Variants in WWOX observed in about 807,000 individuals in gnomAD.
WWOX encodes the protein WW domain containing oxidoreductase, also known as WW domain-containing oxidoreductase.
In WWOX, 69 loss-of-function variants were observed where a neutral mutation model predicts 46.2. The observed-to-expected ratio is 1.49, with a 90% CI of 1.23 to 1.82. The LOEUF (loss-of-function observed/expected upper bound fraction) is 1.82, where lower values mean the gene tolerates loss of function less well. WWOX is among the 40% of genes most tolerant of loss of function. The pLI, the probability that WWOX is intolerant of heterozygous loss-of-function variation, is 0.00. For synonymous variants in WWOX, 359 were observed against 202.6 expected, an observed-to-expected ratio of 1.77 and a Z score of -6.56; for missense variants, 919 against 542.6, an observed-to-expected ratio of 1.69 and a Z score of -6.89.
intron 8 of WWOX, among the ~76,000 whole-genome samples, chr16:79,115,944 C>A (rs985388180): frequency 6.6e-6 from 1 of 152,160 alleles, no homozygotes; most frequent in Non-Finnish European, 1.5e-5. Flanking sequence ...CCGTTCCAGA[C>A]CACCACAATA....
intron 8 of WWOX, among the ~76,000 whole-genome samples, chr16:79,050,257 C>G (rs1437049960): frequency 6.6e-6 from 1 of 152,156 alleles, no homozygotes; most frequent in East Asian, 1.9e-4. Flanking sequence ...TGTGGGTCAG[C>G]TTGTTTTGCT....
Position 79,031,359 on chromosome 16 carries a change from C to G in WWOX, c.1057-180249C>G, listed in dbSNP as rs547747090. Among the ~76,000 whole-genome samples, 47 of 152,228 alleles carry G rather than the reference C, an allele frequency of 3.1e-4. 1 individual carries two copies. The highest frequency in any genetic ancestry group is 1.1e-3 in the African/African-American group (46 of 41,546). On this transcript the variant is annotated intron_variant, in intron 8 of 8. Transcript: ENST00000566780. ...CACTGCAGTCCTGGGACAGTCTACA[C>G]AGCTCCTGCCTCCTTCTTTTCTTCA...
At chr16:78,600,732 C>G (rs1436928633) in intron 8 of WWOX, among the ~76,000 whole-genome samples, 1 of 152,176 alleles carries the variant, frequency 6.6e-6, no homozygotes, top group Non-Finnish European at 1.5e-5. Flanking sequence ...AGCATAAGCC[C>G]TGAAGTCTGG....
At chr16:78,760,871 C>T (rs1231867209) in intron 8 of WWOX, among the ~76,000 whole-genome samples, 1 of 152,112 alleles carries the variant, frequency 6.6e-6, no homozygotes, top group Non-Finnish European at 1.5e-5. Flanking sequence ...TCTGGGGAGG[C>T]CTCACAATCA....
At chr16:78,833,434 C>G (rs1047619063) in intron 8 of WWOX, among the ~76,000 whole-genome samples, 1 of 151,940 alleles carries the variant, frequency 6.6e-6, no homozygotes, top group African/African-American at 2.4e-5. Flanking sequence ...TCCTCCTCCT[C>G]CTCCTCCTCC....
At chr16:79,088,375 C>T (rs2048891754) in intron 8 of WWOX, among the ~76,000 whole-genome samples, 1 of 152,134 alleles carries the variant, frequency 6.6e-6, no homozygotes, top group Non-Finnish European at 1.5e-5. Context: ...GAGTTGCTCC[C>T]CTGAGACTCT....
At chr16:78,482,839 C>A (rs1272155063) in intron 8 of WWOX, among the ~76,000 whole-genome samples, 1 of 152,178 alleles carries the variant, frequency 6.6e-6, no homozygotes, top group East Asian at 1.9e-4. Flanking sequence ...CACTCATCTG[C>A]CTTCCTGTGT....
At chr16:78,591,828 A>C (rs1047399961) in intron 8 of WWOX, among the ~76,000 whole-genome samples, 1 of 152,184 alleles carries the variant, frequency 6.6e-6, no homozygotes, top group African/African-American at 2.4e-5. Context: ...AACTCAAAGA[A>C]GATGTAACTA....
intron 8 of WWOX, among the ~76,000 whole-genome samples, chr16:79,152,055 C>G (rs12934227): frequency 0.35 from 53,113 of 151,804 alleles, 9,750 homozygotes; most frequent in East Asian, 0.52. Flanking sequence ...AGACCTTGAT[C>G]TTACCATATC....
chr16:78,158,095 C>A (rs771159143), intron 4 of WWOX, among the ~76,000 whole-genome samples: 5 of 152,122 alleles, frequency 3.3e-5, no homozygotes, highest in Non-Finnish European at 7.4e-5. Context: ...CTTGAGTTTT[C>A]CTCTGTGCTA....
intron 6 of WWOX, among the ~76,000 whole-genome samples, chr16:78,388,101 G>A (rs373221581): frequency 9.9e-5 from 15 of 152,266 alleles, no homozygotes; most frequent in East Asian, 7.7e-4. Flanking sequence ...GCACAATCTC[G>A]CCTTAATGCA....
intron 8 of WWOX, among the ~76,000 whole-genome samples, chr16:78,692,072 TG>T (rs2048002844): frequency 6.6e-6 from 1 of 152,194 alleles, no homozygotes; most frequent in South Asian, 2.1e-4. Context: ...CCCAGCCATG[TG>T]GAACTGTAAG....
intron 5 of WWOX, among the ~76,000 whole-genome samples, chr16:78,198,863 C>T (rs969499739): frequency 3.1e-4 from 47 of 152,184 alleles, no homozygotes; most frequent in African/African-American, 1.1e-3. Context: ...TCCATTTTTG[C>T]TCAAATTGCT....
At chr16:78,843,070 C>G (rs1298954093) in intron 8 of WWOX, among the ~76,000 whole-genome samples, 1 of 149,862 alleles carries the variant, frequency 6.7e-6, no homozygotes, top group African/African-American at 2.4e-5. Context: ...TGGGTCTTTG[C>G]TTTTGGCAAT....
At chr16:78,401,583 GA>G (rs1207661825) in intron 6 of WWOX, among the ~76,000 whole-genome samples, 1 of 152,166 alleles carries the variant, frequency 6.6e-6, no homozygotes, top group Non-Finnish European at 1.5e-5. Flanking sequence ...CTGCTTTAGG[GA>G]AAGGGTGAGG....
chr16:78,644,653 G>C (rs2548874), intron 8 of WWOX, among the ~76,000 whole-genome samples: 1 of 151,872 alleles, frequency 6.6e-6, no homozygotes, highest in Non-Finnish European at 1.5e-5. Context: ...AGTAGAGATG[G>C]GGTTGCACCA....
At chr16:78,768,003 C>T (rs761785099) in intron 8 of WWOX, among the ~76,000 whole-genome samples, 10 of 151,978 alleles carry the variant, frequency 6.6e-5, no homozygotes, top group East Asian at 5.8e-4. Flanking sequence ...AAAAAGAAAA[C>T]GGTAATTGAA....
intron 8 of WWOX, among the ~76,000 whole-genome samples, chr16:78,992,559 T>G (rs2046909380): frequency 6.6e-6 from 1 of 152,196 alleles, no homozygotes; most frequent in Admixed American, 6.5e-5. Flanking sequence ...GATGTGAGCG[T>G]CTGCGTAGGT....
At chr16:78,954,965 T>C (rs760231061) in intron 8 of WWOX, among the ~76,000 whole-genome samples, 1 of 152,082 alleles carries the variant, frequency 6.6e-6, no homozygotes, top group Non-Finnish European at 1.5e-5. Context: ...AATTTTTAAA[T>C]TTTTTGTAGG....
Sources: gnomAD v4.1 joint callset for allele counts (sites outside exome capture counted in the v4.1 genomes callset) on GRCh38, gnomAD v4.1.1 for gene constraint, MANE v1.5 for transcripts, NCBI Gene and HGNC (gene_info 2026-07-23, HGNC 2026-07-21) for gene names.